CELSR3: variants seen among roughly 807,000 people sequenced by gnomAD.
CELSR3 encodes the protein EGF-like protein 1.
CELSR3 carries 73 observed loss-of-function variants against 270.0 expected under a neutral mutation model. The observed-to-expected ratio is 0.27, with a 90% CI of 0.22 to 0.33. The LOEUF (loss-of-function observed/expected upper bound fraction) is 0.33. CELSR3 is among the 10% of genes least tolerant of loss of function. CELSR3 has a pLI of 1.00. For missense variants in CELSR3, 3,614 were observed against 4,533.8 expected, an observed-to-expected ratio of 0.80 and a Z score of 5.83; for synonymous variants, 1,780 against 1,905.4, an observed-to-expected ratio of 0.93 and a Z score of 1.71.
Position 48,640,203 on chromosome 3 carries a change from G to A in CELSR3, c.9382C>T (p.Arg3128Trp), listed in dbSNP as rs1479919862. The A allele has an allele frequency of 1.7e-5, 28 of 1,612,642 alleles. 1 individual carries two copies. The highest frequency in any genetic ancestry group is 3.3e-5 in the South Asian group (3 of 91,086). ...CCAGCCATGGCGCCAGGGTAGTCCC[G>A]AGGTGGCTGCCTCCGTGGCAGGGTG... ...GSTLPRRQPP[R>W]DYPGAMAGRF... is the part of the protein sequence containing the mutation. The change falls in exon 34 of 35, where the codon CGG becomes TGG. Residue 3128 changes from arginine to tryptophan, a missense_variant. Arg to Trp is a moderately radical substitution (Grantham distance 101). Around this residue, in one of 7 missense-constraint regions of CELSR3, gnomAD observed 1,240 missense variants for 1,351.7 expected, o/e 0.92. Coordinates refer to ENST00000164024, the MANE Select transcript of CELSR3 (RefSeq NM_001407.3). This position sits in a 1 kb window ranked among gnomAD's most constrained non-coding sequence, Gnocchi z 7.5.
At position 48,644,351 on chromosome 3, in the gene CELSR3, AGAGGCAAT is replaced by A; in HGVS notation, c.8086-64_8086-57del. 6.9e-7 allele frequency: 1 copy of A among 1,454,454 alleles called. No homozygotes were observed. Among genetic ancestry groups the A allele is most frequent in the Non-Finnish European group, 9.6e-7 (1 of 1,038,424 alleles). The allele number at this position is 1,454,454 out of a possible 1,614,324, so 90.1% of individuals were successfully genotyped here. A position where few individuals can be genotyped will look rare whatever the true frequency, so the allele number is the denominator to read the frequency against. On this transcript the variant is annotated intron_variant, in intron 26 of 34. Transcript: ENST00000164024. The surrounding 1 kb of genome is among the most constrained non-coding windows in gnomAD (Gnocchi z 4.8). ...GCAGGGCAGAGAGAGAGAGAGAGAG[AGAGGCAAT>A]GAGAGACAGAGAGAGACTAAGATTC...
chr3:48,648,238 G>GCCCCCCCCAAAC, intron 19 of CELSR3, 28 bp downstream of exon 19: 1 of 1,342,628 alleles, frequency 7.4e-7, no homozygotes, highest in Non-Finnish European at 1.1e-6. Flanking sequence ...CCCCTGCTGT[G>GCCCCCCCCAAAC]CCCCGCCCTA....
In CELSR3 at chr3:48,653,494, G is replaced by T. The variant is rs1232300689; in HGVS notation, c.5448+125C>A. ...ATCAAGGGCTAGGGTCCAGAGCAGGGTCAAGTGTGGTTGGGACACCTGGCA... is the reference window on the plus strand; with the variant it reads ...ATCAAGGGCTAGGGTCCAGAGCAGGTTCAAGTGTGGTTGGGACACCTGGCA... On this transcript the variant is annotated intron_variant, in intron 9 of 34. Coordinates refer to ENST00000164024, the MANE Select transcript of CELSR3 (RefSeq NM_001407.3). This position sits in a 1 kb window ranked among gnomAD's most constrained non-coding sequence, Gnocchi z 6.5. 1.8e-6 allele frequency: 2 copies of T among 1,138,502 alleles called. No homozygotes were observed. The highest frequency in any genetic ancestry group is 1.5e-5 in the African/African-American group (1 of 65,210). 70.5% of individuals were successfully genotyped at this position (1,138,502 alleles called of 1,614,324 possible).
Position 48,640,462 on chromosome 3 carries a change from A to G in CELSR3, c.9123T>C (p.Ala3041=). 1.2e-6 allele frequency: 2 copies of G among 1,612,448 alleles called. No homozygotes were observed. Among genetic ancestry groups the G allele is most frequent in the Non-Finnish European group, 1.7e-6 (2 of 1,179,892 alleles). Residue 3041 remains alanine (A), a synonymous_variant, in exon 34 of 35, where the codon GCT becomes GCC. Coordinates refer to ENST00000164024, the MANE Select transcript of CELSR3 (RefSeq NM_001407.3). This position sits in a 1 kb window ranked among gnomAD's most constrained non-coding sequence, Gnocchi z 7.5. Reference sequence around the variant, plus strand: ...TGCGACCGTAAGAGGCAGCTGGCACAGCACGGTGGCCCAAGGTGGCTGCAC... The same window carrying G: ...TGCGACCGTAAGAGGCAGCTGGCACGGCACGGTGGCCCAAGGTGGCTGCAC... The part of the protein sequence containing the change: ...WCRAATLGHR[A]VPAASYGRIY...
chr3:48,655,508 C>CA lies in CELSR3; in HGVS notation c.4742-115dup, dbSNP rs984209096. The CA allele has an allele frequency of 2.7e-5, 29 of 1,061,020 alleles. No homozygotes were observed. In the African/African-American group the frequency reaches 3.0e-4, roughly 11 times the overall value. The allele number at this position is 1,061,020 out of a possible 1,614,324, so 65.7% of individuals were successfully genotyped here. Reference sequence around the variant, plus strand: ...CCTGGATGCATCAGATCAGTCCCCCCACTGGTGACCACAATGGCTGGCTCA... The same window carrying CA: ...CCTGGATGCATCAGATCAGTCCCCCCAACTGGTGACCACAATGGCTGGCTCA... On this transcript the variant is annotated intron_variant, in intron 4 of 34. Coordinates refer to ENST00000164024, the MANE Select transcript of CELSR3 (RefSeq NM_001407.3). This position sits in a 1 kb window ranked among gnomAD's most constrained non-coding sequence, Gnocchi z 5.8.
Position 48,658,775 on chromosome 3 carries a change from A to G in CELSR3, c.3748+112T>C. ...GTAGGGTGCAGGAACCCTACCCTTA[A>G]GGGGTTCTTGGAAGGCTTAGAAATC... On this transcript the variant is annotated intron_variant, in intron 1 of 34. Coordinates refer to ENST00000164024, the MANE Select transcript of CELSR3 (RefSeq NM_001407.3). This position sits in a 1 kb window ranked among gnomAD's most constrained non-coding sequence, Gnocchi z 4.7. 7.5e-7 allele frequency: 1 copy of G among 1,329,236 alleles called. No individual in the cohort carries two copies. Among genetic ancestry groups the G allele is most frequent in the Non-Finnish European group, 1.0e-6 (1 of 960,546 alleles). 82.3% of individuals were successfully genotyped at this position (1,329,236 alleles called of 1,614,324 possible). A position where few individuals can be genotyped will look rare whatever the true frequency, so the allele number is the denominator to read the frequency against.
Position 48,655,034 on chromosome 3 carries a change from G to A in CELSR3, c.4988+10C>T, listed in dbSNP as rs773646531. On this transcript the variant is annotated intron_variant, in intron 6 of 34. Coordinates refer to ENST00000164024, the MANE Select transcript of CELSR3 (RefSeq NM_001407.3). The surrounding 1 kb of genome is among the most constrained non-coding windows in gnomAD (Gnocchi z 5.8). ...CAGGGGACAAGGGGACTAGGGGGCA[G>A]GGGCCTCACTTCTTGGAGCTTGTTT... 6.2e-7 allele frequency: 1 copy of A among 1,613,500 alleles called. No homozygotes were observed. The highest frequency in any genetic ancestry group is 1.1e-5 in the South Asian group (1 of 91,066).
chr3:48,653,662 A>G lies in CELSR3; in HGVS notation c.5405T>C (p.Leu1802Pro). 6.2e-7 allele frequency: 1 copy of G among 1,614,132 alleles called. No homozygotes were observed. The highest frequency in any genetic ancestry group is 1.1e-5 in the South Asian group (1 of 91,088). The stretch of plus-strand genomic sequence containing the variant: ...GTGTGGCCCAGCCTGCACTTGCATC[A>G]GGACCCCCTGCGTTGCCCGTGTCCG... ...AFRTRATQGVLMQVQAGPHST... is the reference protein window; with the variant it reads ...AFRTRATQGVPMQVQAGPHST... Residue 1802 changes from leucine to proline, a missense_variant, in exon 9 of 35, where the codon CTG (leucine) becomes CCG (proline). Around this residue, in one of 7 missense-constraint regions of CELSR3, gnomAD observed 1,331 missense variants for 1,933.7 expected, o/e 0.69. Transcript: ENST00000164024. The surrounding 1 kb of genome is among the most constrained non-coding windows in gnomAD (Gnocchi z 6.5).
rs561764974 is a variant in CELSR3, at chr3:48,639,951, G to T, written c.9634C>A (p.Pro3212Thr). The change falls in exon 34 of 35, where the codon CCC becomes ACC. Residue 3212 changes from proline to threonine, a missense_variant. By Grantham distance (38) the Pro-to-Thr change is conservative (BLOSUM62 -1). Coordinates refer to ENST00000164024, the MANE Select transcript of CELSR3 (RefSeq NM_001407.3). The surrounding 1 kb of genome is among the most constrained non-coding windows in gnomAD (Gnocchi z 4.1). ...AGTGGCCCAAGGGCTTCTCGTGAGG[G>T]GTGCCGGCTAGGCACCTGGTCCAGC... is the stretch of plus-strand genomic sequence containing the variant. ...EQLDQVPSRHPSREALGPLPQ... is the reference protein window; with the variant it reads ...EQLDQVPSRHTSREALGPLPQ... 4 of 1,612,830 alleles carry T rather than the reference G, an allele frequency of 2.5e-6. No individual in the cohort carries two copies. The African/African-American group carries it at 4.0e-5, about 16-fold the overall frequency.
chr3:48,653,553 A>G lies in CELSR3; in HGVS notation c.5448+66T>C. 6.4e-7 allele frequency: 1 copy of G among 1,567,362 alleles called. No individual in the cohort carries two copies. Among genetic ancestry groups the G allele is most frequent in the Non-Finnish European group, 8.7e-7 (1 of 1,149,180 alleles). On this transcript the variant is annotated intron_variant, in intron 9 of 34. Coordinates refer to ENST00000164024, the MANE Select transcript of CELSR3 (RefSeq NM_001407.3). The surrounding 1 kb of genome is among the most constrained non-coding windows in gnomAD (Gnocchi z 6.5). ...TGCTGTGTGACCAACCTGAACCCAC[A>G]AGAATGTCAGTGGCGGCCTAAGAGA... is the stretch of plus-strand genomic sequence containing the variant.
rs2047129169 is a variant in CELSR3, at chr3:48,650,671, C to T, written c.6371-90G>A. 1 of 1,153,330 alleles carries T rather than the reference C, an allele frequency of 8.7e-7. No homozygotes were observed. Among genetic ancestry groups the T allele is most frequent in the Admixed American group, 2.8e-5 (1 of 35,998 alleles). The allele number at this position is 1,153,330 out of a possible 1,614,324, so 71.4% of individuals were successfully genotyped here. ...TGCCCCTCCACCACCCCCCACAAGG[C>T]CCACTGCCCGCCACTCCTGCTGGCT... On this transcript the variant is annotated intron_variant, in intron 15 of 34. Transcript: ENST00000164024. The surrounding 1 kb of genome is among the most constrained non-coding windows in gnomAD (Gnocchi z 5.1).
chr3:48,640,272 T>C lies in CELSR3; in HGVS notation c.9313A>G (p.Met3105Val), dbSNP rs760663792. The C allele has an allele frequency of 3.7e-6, 6 of 1,612,842 alleles. No homozygotes were observed. Among genetic ancestry groups the C allele is most frequent in the Non-Finnish European group, 5.1e-6 (6 of 1,179,968 alleles). The change falls in exon 34 of 35, where the codon ATG becomes GTG. Residue 3105 changes from methionine to valine, a missense_variant. Physicochemically the swap from Met to Val is conservative, Grantham distance 21. Transcript: ENST00000164024. This position sits in a 1 kb window ranked among gnomAD's most constrained non-coding sequence, Gnocchi z 7.5. ...PLSRPGSQECMDAAPGRLEPK... is the reference protein window; with the variant it reads ...PLSRPGSQECVDAAPGRLEPK... The stretch of plus-strand genomic sequence containing the variant: ...TCCAGTCGGCCTGGTGCAGCATCCA[T>C]GCATTCCTGGGACCCTGGCCGGCTC...
In CELSR3 at chr3:48,646,634, C is replaced by T. The variant is rs2047086953; in HGVS notation, c.7295+129G>A. ...CAGAGAATAAGATTCACACAGAACC[C>T]GGCAAGGATGGGGCTCCCTGGAGCT... On this transcript the variant is annotated intron_variant, in intron 21 of 34. Transcript: ENST00000164024. The surrounding 1 kb of genome is among the most constrained non-coding windows in gnomAD (Gnocchi z 4.8). 5 of 963,666 alleles carry T rather than the reference C, an allele frequency of 5.2e-6. No individual in the cohort carries two copies. Among genetic ancestry groups the T allele is most frequent in the East Asian group, 5.3e-5 (2 of 37,992 alleles). 59.7% of individuals were successfully genotyped at this position (963,666 alleles called of 1,614,324 possible).
At position 48,661,762 on chromosome 3, in the gene CELSR3, G is replaced by A; in HGVS notation, c.873C>T (p.Pro291=). Residue 291 remains proline, a synonymous_variant, in exon 1 of 35, where the codon CCC becomes CCT. Coordinates refer to ENST00000164024, the MANE Select transcript of CELSR3 (RefSeq NM_001407.3). ...LFRCRFLPQR[P]GPRPPGLPAR... Reference sequence around the variant, plus strand: ...CCGGGAGTCCCGGGGGACGCGGCCCGGGGCGCTGCGGGAGGAAGCGGCAGC... The same window carrying A: ...CCGGGAGTCCCGGGGGACGCGGCCCAGGGCGCTGCGGGAGGAAGCGGCAGC... The A allele has an allele frequency of 3.8e-6, 6 of 1,594,016 alleles. No individual in the cohort carries two copies. The highest frequency in any genetic ancestry group is 4.5e-5 in the East Asian group (2 of 44,692).
Position 48,648,255 on chromosome 3 carries a change from C to T in CELSR3, c.6973+11G>A, listed in dbSNP as rs376956651. ...CCTGCTGTGCCCCGCCCTACCCCAC[C>T]CACAACGCACTGATATTAGGCGTCA... is the stretch of plus-strand genomic sequence containing the variant. On this transcript the variant is annotated intron_variant, in intron 19 of 34. Transcript: ENST00000164024. The T allele has an allele frequency of 6.3e-7, 1 of 1,598,336 alleles. No homozygotes were observed. The highest frequency in any genetic ancestry group is 8.5e-7 in the Non-Finnish European group (1 of 1,170,056).
Position 48,652,897 on chromosome 3 carries a change from A to G in CELSR3, c.5634+105T>C. 1 of 939,700 alleles carries G rather than the reference A, an allele frequency of 1.1e-6. No homozygotes were observed. The highest frequency in any genetic ancestry group is 1.7e-6 in the Non-Finnish European group (1 of 598,198). 58.2% of individuals were successfully genotyped at this position (939,700 alleles called of 1,614,324 possible). A position where few individuals can be genotyped will look rare whatever the true frequency, so the allele number is the denominator to read the frequency against. On this transcript the variant is annotated intron_variant, in intron 10 of 34. Transcript: ENST00000164024. The surrounding 1 kb of genome is among the most constrained non-coding windows in gnomAD (Gnocchi z 4.3). ...GAACTAGGGGTAGAACATCAGACTC[A>G]GTGCAGTGGAGGGAACTGAGAGGAG...
chr3:48,655,085 G>A lies in CELSR3; in HGVS notation c.4947C>T (p.Asn1649=). The A allele has an allele frequency of 6.2e-7, 1 of 1,613,916 alleles. No homozygotes were observed. Among genetic ancestry groups the A allele is most frequent in the African/African-American group, 1.3e-5 (1 of 74,946 alleles). ...GCACACCAGCAGCCGCGCATGAGTA[G>A]TTGCCAATCTCAGCACCAAACTGCA... ...VALQFGAEIG[N]YSCAAAGVQT... is the part of the protein sequence containing the mutation. Residue 1649 remains asparagine, a synonymous_variant, in exon 6 of 35, where the codon AAC becomes AAT. Coordinates refer to ENST00000164024, the MANE Select transcript of CELSR3 (RefSeq NM_001407.3). The surrounding 1 kb of genome is among the most constrained non-coding windows in gnomAD (Gnocchi z 5.8).
intron 18 of CELSR3, 72 bp from the exon 19 acceptor site, chr3:48,648,533 A>G: frequency 7.0e-7 from 1 of 1,434,354 alleles, no homozygotes; most frequent in Non-Finnish European, 9.2e-7. Flanking sequence ...CAGGCATGAG[A>G]GGTCTGGACA....
chr3:48,650,753 G>A lies in CELSR3; in HGVS notation c.6370+139C>T, dbSNP rs2106710811. On this transcript the variant is annotated intron_variant, in intron 15 of 34. Transcript: ENST00000164024. The surrounding 1 kb of genome is among the most constrained non-coding windows in gnomAD (Gnocchi z 5.1). ...AGGTCAGCAAAGTACTTGGGGCAAAGGTAGGGTTCCCTGGGTGTAAGTGGT... is the reference window on the plus strand; with the variant it reads ...AGGTCAGCAAAGTACTTGGGGCAAAAGTAGGGTTCCCTGGGTGTAAGTGGT... 1 of 1,104,256 alleles carries A rather than the reference G, an allele frequency of 9.1e-7. No homozygotes were observed. Among genetic ancestry groups the A allele is most frequent in the South Asian group, 1.6e-5 (1 of 62,970 alleles). 68.4% of individuals were successfully genotyped at this position (1,104,256 alleles called of 1,614,324 possible).
Sources: gnomAD v4.1 joint callset for allele counts on GRCh38, gnomAD v4.1.1 for gene constraint, gnomAD v4.1.1 regional missense constraint, Gnocchi (gnomAD v3.1) non-coding constraint, MANE v1.5 for transcripts, NCBI Gene and HGNC (gene_info 2026-07-23, HGNC 2026-07-21) for gene names.